The following GRM7 variants were observed in gnomAD, a reference collection of about 807,000 sequenced individuals.
GRM7 encodes glutamate metabotropic receptor 7.
A neutral mutation model predicts 84.5 loss-of-function variants in GRM7; 35 were observed. The ratio of observed to expected loss-of-function variants is 0.41; its 90% CI spans 0.32 to 0.55. The LOEUF is 0.55. GRM7 is among the 20% of genes least tolerant of loss of function. The probability of loss-of-function intolerance (pLI) is 0.19; values close to 1 mark genes in which losing one functional copy is unlikely to be tolerated. For missense variants in GRM7, 1,003 were observed against 1,194.6 expected (o/e 0.84, Z 2.36); for synonymous variants, 487 against 455.1 (o/e 1.07, Z -0.89).
intron 7 of GRM7, among the ~76,000 whole-genome samples, chr3:7,519,538 A>G (rs1700514122): frequency 6.6e-6 from 1 of 152,162 alleles, no homozygotes; most frequent in Non-Finnish European, 1.5e-5. Context: ...TTACTGGGGC[A>G]GAAGGCATGG....
chr3:6,987,729 T>A (rs1481934014), intron 1 of GRM7, among the ~76,000 whole-genome samples: 1 of 152,182 alleles, frequency 6.6e-6, no homozygotes, highest in Non-Finnish European at 1.5e-5. Flanking sequence ...ACCTGCTTAC[T>A]ATATTTAAGA....
At chr3:7,677,683 A>T (rs2125138163) in intron 8 of GRM7, among the ~76,000 whole-genome samples, 1 of 152,358 alleles carries the variant, frequency 6.6e-6, no homozygotes, top group East Asian at 1.9e-4. Context: ...ATGAAACTAA[A>T]CACTTCATAA....
intron 2 of GRM7, among the ~76,000 whole-genome samples, chr3:7,271,688 C>G (rs1200068528): frequency 6.6e-6 from 1 of 150,882 alleles, no homozygotes; most frequent in Non-Finnish European, 1.5e-5. Context: ...TCAATAAAAA[C>G]TCCTCTCTTT....
At chr3:7,438,602 G>C (rs544784657) in intron 5 of GRM7, among the ~76,000 whole-genome samples, 16 of 152,120 alleles carry the variant, frequency 1.1e-4, no homozygotes, top group African/African-American at 3.9e-4. Context: ...AGACAGAGTG[G>C]TTACCAGAAA....
chr3:7,587,872 A>G (rs1394028254), intron 8 of GRM7, among the ~76,000 whole-genome samples: 1 of 152,146 alleles, frequency 6.6e-6, no homozygotes. Context: ...GCAGTCACCT[A>G]TGGTACCTTT....
chr3:7,739,625 T>C (rs954820666), intron 9 of GRM7, among the ~76,000 whole-genome samples: 3 of 152,214 alleles, frequency 2.0e-5, no homozygotes, highest in East Asian at 1.9e-4. Context: ...GCTGTGCTCA[T>C]TGGCTGGTCT....
At chr3:7,174,428 G>C (rs1034685354) in intron 2 of GRM7, among the ~76,000 whole-genome samples, 2 of 152,200 alleles carry the variant, frequency 1.3e-5, no homozygotes, top group African/African-American at 4.8e-5. Context: ...GAATCATCAT[G>C]CTAGGTTTCA....
chr3:7,066,813 G>A (rs1460688669), intron 1 of GRM7, among the ~76,000 whole-genome samples: 1 of 151,864 alleles, frequency 6.6e-6, no homozygotes, highest in African/African-American at 2.4e-5. Context: ...ATATCAAAAA[G>A]ATAATCCACC....
At chr3:7,092,212 GA>G (rs377060692) in intron 1 of GRM7, among the ~76,000 whole-genome samples, 50 of 152,246 alleles carry the variant, frequency 3.3e-4, no homozygotes, top group African/African-American at 1.2e-3. Flanking sequence ...TGATGTGTCA[GA>G]ACAGAATCTA....
chr3:7,434,686 T>C (rs1696970416), intron 5 of GRM7, among the ~76,000 whole-genome samples: 1 of 152,196 alleles, frequency 6.6e-6, no homozygotes, highest in Non-Finnish European at 1.5e-5. Flanking sequence ...CTACATTTCA[T>C]TGGATAATAT....
At chr3:7,728,356 T>G (rs1559508743) in intron 9 of GRM7, among the ~76,000 whole-genome samples, 2 of 152,208 alleles carry the variant, frequency 1.3e-5, no homozygotes, top group Non-Finnish European at 2.9e-5. Flanking sequence ...TTTCCAGTGC[T>G]TATATATGTT....
intron 4 of GRM7, among the ~76,000 whole-genome samples, chr3:7,361,927 A>G (rs111469367): frequency 6.6e-6 from 1 of 152,130 alleles, no homozygotes; most frequent in Non-Finnish European, 1.5e-5. Context: ...TGGGAACCAT[A>G]GAACTGGAGG....
chr3:7,670,358 G>A (rs889997705), intron 8 of GRM7, among the ~76,000 whole-genome samples: 1 of 152,150 alleles, frequency 6.6e-6, no homozygotes, highest in Non-Finnish European at 1.5e-5. Flanking sequence ...TTAACAAGAG[G>A]AAAGAGAAGG....
intron 8 of GRM7, among the ~76,000 whole-genome samples, chr3:7,645,407 T>C (rs937985146): frequency 4.0e-5 from 6 of 150,834 alleles, no homozygotes; most frequent in Non-Finnish European, 7.4e-5. Flanking sequence ...ATTAGCTGGG[T>C]GTGGTGGTGC....
At chr3:7,465,178 C>T (rs1698412441) in intron 7 of GRM7, among the ~76,000 whole-genome samples, 2 of 152,100 alleles carry the variant, frequency 1.3e-5, no homozygotes, top group Admixed American at 1.3e-4. Context: ...CTTTATTCTA[C>T]TTTGTCATGC....
chr3:7,347,806 T>C (rs1193354767), intron 4 of GRM7, among the ~76,000 whole-genome samples: 2 of 152,196 alleles, frequency 1.3e-5, no homozygotes, highest in African/African-American at 4.8e-5. Context: ...TCCATGTTTC[T>C]TCTCCAGCAC....
At chr3:7,293,744 A>AT (rs1394598381) in intron 2 of GRM7, among the ~76,000 whole-genome samples, 1 of 152,064 alleles carries the variant, frequency 6.6e-6, no homozygotes, top group African/African-American at 2.4e-5. Flanking sequence ...GAAAAATTCC[A>AT]TTTTTTGCTG....
At chr3:7,145,164 T>C (rs1694069310) in intron 1 of GRM7, among the ~76,000 whole-genome samples, 1 of 152,108 alleles carries the variant, frequency 6.6e-6, no homozygotes. Flanking sequence ...GGCTTTACCA[T>C]ATTTGAGCTA....
chr3:7,702,899 A>G lies in GRM7; in HGVS notation c.2698+22604A>G, dbSNP rs372334969. Among the ~76,000 whole-genome samples the G allele has an allele frequency of 1.2e-3, 177 of 152,332 alleles. 1 individual carries two copies. Among genetic ancestry groups the G allele is most frequent in the African/African-American group, 3.8e-3 (156 of 41,578 alleles). On this transcript the variant is annotated intron_variant, in intron 9 of 9. Transcript: ENST00000357716. ...CTGAAATACAGAGGAGATAGTCATA[A>G]CAAAAACTAATGAAAAAATTAATCC...
Sources: allele counts gnomAD v4.1 joint callset (sites outside exome capture counted in the v4.1 genomes callset), GRCh38; gene constraint gnomAD v4.1.1; transcripts MANE v1.5; gene names NCBI Gene and HGNC (gene_info 2026-07-23, HGNC 2026-07-21).